Variants in BNC2 observed in about 807,000 individuals in gnomAD.
BNC2 encodes basonuclin zinc finger protein 2.
A neutral mutation model predicts 76.3 loss-of-function variants in BNC2; 20 were observed. That is an observed-to-expected ratio of 0.26 (90% CI 0.18 to 0.38). BNC2 has a LOEUF of 0.38. Among genes scored for constraint, BNC2 ranks in the 10% least tolerant of loss-of-function variants. BNC2 has a pLI of 1.00. For synonymous variants in BNC2, 582 were observed against 514.8 expected, an observed-to-expected ratio of 1.13 and a Z score of -1.77; for missense variants, 1,382 against 1,399.8, an observed-to-expected ratio of 0.99 and a Z score of 0.20.
At chr9:16,566,953 A>G (rs1819187599) in intron 4 of BNC2, among the ~76,000 whole-genome samples, 1 of 152,234 alleles carries the variant, frequency 6.6e-6, no homozygotes, top group Non-Finnish European at 1.5e-5. Context: ...AAGGAAAAAA[A>G]TTCATACAAT....
intron 3 of BNC2, among the ~76,000 whole-genome samples, chr9:16,608,308 A>C (rs1013544095): frequency 1.3e-5 from 2 of 152,202 alleles, no homozygotes; most frequent in Admixed American, 1.3e-4. Context: ...AGCTAAGCAC[A>C]GTGATAGACA....
In BNC2 at chr9:16,605,224, A is replaced by G. The variant is rs182181358; in HGVS notation, c.331-22139T>C. Among the ~76,000 whole-genome samples, 10 of 152,366 alleles carry G rather than the reference A, an allele frequency of 6.6e-5. No individual in the cohort carries two copies. In the East Asian group the frequency reaches 1.9e-3, roughly 29 times the overall value. On this transcript the variant is annotated intron_variant, in intron 3 of 6. Transcript: ENST00000380672. ...TTATCCTAAAGATTTCATGTTTTCA[A>G]GTATATATTTCTACTTATTTGCATA...
At chr9:16,765,943 C>T (rs553129533) in intron 1 of BNC2, among the ~76,000 whole-genome samples, 3 of 152,110 alleles carry the variant, frequency 2.0e-5, no homozygotes, top group South Asian at 2.1e-4. Context: ...CTCGCCACCA[C>T]GCCTGGCTAA....
chr9:16,586,022 G>A (rs1282230857), intron 3 of BNC2, among the ~76,000 whole-genome samples: 3 of 152,170 alleles, frequency 2.0e-5, no homozygotes, highest in African/African-American at 7.2e-5. Context: ...CAGGCCTCCA[G>A]GACCCAGCCT....
intron 1 of BNC2, among the ~76,000 whole-genome samples, chr9:16,803,200 A>G (rs1233925930): frequency 1.3e-5 from 2 of 152,210 alleles, no homozygotes; most frequent in Non-Finnish European, 2.9e-5. Context: ...CCTTGGCTCA[A>G]TTGTGAAATG....
chr9:16,482,479 T>A (rs533450839), intron 5 of BNC2, among the ~76,000 whole-genome samples: 1 of 152,120 alleles, frequency 6.6e-6, no homozygotes, highest in Non-Finnish European at 1.5e-5. Context: ...CCTCTTCTTA[T>A]ATTGAACAAC....
rs1222613769 is a variant in BNC2 at position 16,412,726 on chromosome 9, A to G, written c.*6263T>C. The G allele has an allele frequency of 4.2e-5, 1 of 23,814 alleles. No homozygotes were observed. The highest frequency in any genetic ancestry group is 2.1e-3 in the East Asian group (1 of 478). 1.5% of individuals were successfully genotyped at this position (23,814 alleles called of 1,614,324 possible). On this transcript the variant is annotated 3_prime_UTR_variant, in exon 7 of 7. Coordinates refer to ENST00000380672, the MANE Select transcript of BNC2 (RefSeq NM_017637.6). ...AGGGAAGGAGAGAGAGAGGGGAGAG[A>G]GAGAGAGAGAGAGAGAGAGAGAGAG...
intron 3 of BNC2, among the ~76,000 whole-genome samples, chr9:16,704,597 G>A (rs554335822): frequency 7.2e-6 from 1 of 138,866 alleles, no homozygotes; most frequent in Non-Finnish European, 1.5e-5. Flanking sequence ...CCATTCTAAA[G>A]TTTGTTTTGT....
intron 5 of BNC2, among the ~76,000 whole-genome samples, chr9:16,467,560 T>C (rs1821720516): frequency 1.5e-5 from 2 of 135,114 alleles, no homozygotes; most frequent in African/African-American, 5.7e-5. Flanking sequence ...GAAACCATCA[T>C]TCTCAGTAAA....
chr9:16,828,964 G>C (rs372012555), intron 1 of BNC2, among the ~76,000 whole-genome samples: 1 of 152,064 alleles, frequency 6.6e-6, no homozygotes, highest in Non-Finnish European at 1.5e-5. Flanking sequence ...GCTGGGGCGC[G>C]GGGGAGAGGC....
chr9:16,627,706 C>T (rs1300668132), intron 3 of BNC2, among the ~76,000 whole-genome samples: 5 of 152,122 alleles, frequency 3.3e-5, no homozygotes, highest in African/African-American at 9.7e-5. Context: ...AGCTGTAATA[C>T]CATACTCATA....
intron 3 of BNC2, chr9:16,626,418 C>T (rs1470817881): frequency 2.0e-5 from 3 of 152,124 alleles, no homozygotes; most frequent in Admixed American, 6.5e-5. Flanking sequence ...AGTACATTTG[C>T]AAGATGCATG....
intron 5 of BNC2, among the ~76,000 whole-genome samples, chr9:16,502,709 T>C (rs992753480): frequency 4.6e-5 from 7 of 152,202 alleles, no homozygotes; most frequent in South Asian, 2.1e-4. Context: ...ATAGCCAGAA[T>C]TGCAGGAAAA....
intron 3 of BNC2, among the ~76,000 whole-genome samples, chr9:16,670,409 G>T (rs568269074): frequency 6.6e-6 from 1 of 152,172 alleles, no homozygotes; most frequent in Non-Finnish European, 1.5e-5. Context: ...TGAACTTCTG[G>T]GCTCAAGTCA....
At chr9:16,753,429 C>A (rs558785462) in intron 1 of BNC2, among the ~76,000 whole-genome samples, 15 of 152,312 alleles carry the variant, frequency 9.8e-5, no homozygotes, top group African/African-American at 3.1e-4. Context: ...AAGCACTCTT[C>A]ACACGGGAAA....
chr9:16,591,985 G>C (rs1260639683), intron 3 of BNC2, among the ~76,000 whole-genome samples: 1 of 152,158 alleles, frequency 6.6e-6, no homozygotes, highest in Non-Finnish European at 1.5e-5. Flanking sequence ...TCTTATAACT[G>C]AGACAGGAGA....
intron 3 of BNC2, among the ~76,000 whole-genome samples, chr9:16,617,032 T>A (rs1388035739): frequency 6.6e-6 from 1 of 152,154 alleles, no homozygotes; most frequent in African/African-American, 2.4e-5. Flanking sequence ...CAACAGGTAA[T>A]TTGTGAAAGG....
intron 3 of BNC2, among the ~76,000 whole-genome samples, chr9:16,712,728 C>A (rs987632657): frequency 1.3e-5 from 2 of 152,192 alleles, no homozygotes; most frequent in Non-Finnish European, 2.9e-5. Flanking sequence ...GGCATTTTAT[C>A]AGGTGTTTAA....
chr9:16,526,944 C>G lies in BNC2; in HGVS notation c.669+25586G>C, dbSNP rs140087400. ...TGCCATATGGGCATTTTAGTTGGTACAGTCAATGCCAAATAGAGAGAGCAG... is the reference window on the plus strand; with the variant it reads ...TGCCATATGGGCATTTTAGTTGGTAGAGTCAATGCCAAATAGAGAGAGCAG... On this transcript the variant is annotated intron_variant, in intron 5 of 6. Coordinates refer to ENST00000380672, the MANE Select transcript of BNC2 (RefSeq NM_017637.6). 2.5e-4 allele frequency among the ~76,000 whole-genome samples: 38 copies of G among 152,274 alleles called. No homozygotes were observed. In the Middle Eastern group the frequency reaches 0.01, roughly 41 times the overall value.
Sources: allele counts gnomAD v4.1 joint callset (sites outside exome capture counted in the v4.1 genomes callset), GRCh38; gene constraint gnomAD v4.1.1; transcripts MANE v1.5; gene names NCBI Gene and HGNC (gene_info 2026-07-23, HGNC 2026-07-21).